The following RAPGEF6 variants were observed in gnomAD, a reference collection of about 807,000 sequenced individuals.
The protein encoded by RAPGEF6 is Rap guanine nucleotide exchange factor 6.
Under a neutral mutation model 171.4 loss-of-function variants are expected in RAPGEF6, and 56 were observed. That is an observed-to-expected ratio of 0.33 (90% CI 0.26 to 0.41). The LOEUF is 0.41. RAPGEF6 is among the 10% of genes least tolerant of loss of function. The pLI, the probability that RAPGEF6 is intolerant of heterozygous loss-of-function variation, is 1.00. For synonymous variants in RAPGEF6, 692 were observed against 650.1 expected (o/e 1.06, Z -0.98); for missense variants, 1,674 against 1,921.4 (o/e 0.87, Z 2.41).
chr5:131,517,780 TACACACACACACACACACAC>T (rs36091456), intron 7 of RAPGEF6, among the ~76,000 whole-genome samples: 8 of 140,492 alleles, frequency 5.7e-5, no homozygotes, highest in South Asian at 2.4e-4. Flanking sequence ...TTCGCGCATG[TACACACACACACACACACAC>T]ACACACACAC....
chr5:131,439,849 C>G, intron 23 of RAPGEF6, 134 bp from the exon 24 acceptor site: 1 of 1,397,870 alleles, frequency 7.2e-7, no homozygotes, highest in Non-Finnish European at 9.5e-7. Flanking sequence ...AAATGACAAA[C>G]AGGGACTAAA....
chr5:131,491,549 C>A (rs969323553), intron 14 of RAPGEF6, among the ~76,000 whole-genome samples: 5 of 152,168 alleles, frequency 3.3e-5, no homozygotes, highest in African/African-American at 1.2e-4. Flanking sequence ...ACCACCAGGA[C>A]ACAGACCCAT....
intron 4 of RAPGEF6, among the ~76,000 whole-genome samples, chr5:131,572,892 T>C (rs1338350063): frequency 6.6e-6 from 1 of 152,182 alleles, no homozygotes; most frequent in African/African-American, 2.4e-5. Flanking sequence ...GCCAGAGAAA[T>C]GGCACTTTCG....
intron 3 of RAPGEF6, among the ~76,000 whole-genome samples, chr5:131,594,534 G>C (rs1763778521): frequency 6.6e-6 from 1 of 152,236 alleles, no homozygotes; most frequent in South Asian, 2.1e-4. Context: ...CCCCACTGGG[G>C]CACTATCTAG....
intron 4 of RAPGEF6, among the ~76,000 whole-genome samples, chr5:131,588,403 GCTC>G: frequency 6.6e-6 from 1 of 152,298 alleles, no homozygotes; most frequent in East Asian, 1.9e-4. Context: ...ATTCTCTTAT[GCTC>G]CTGTTAGTAT....
At chr5:131,478,145 C>G (rs1159989272) in intron 16 of RAPGEF6, among the ~76,000 whole-genome samples, 1 of 152,136 alleles carries the variant, frequency 6.6e-6, no homozygotes, top group Non-Finnish European at 1.5e-5. Context: ...TATTTTAATC[C>G]TCTGAGTTCC....
chr5:131,476,694 G>C (rs1006862741), intron 16 of RAPGEF6, among the ~76,000 whole-genome samples: 3 of 152,098 alleles, frequency 2.0e-5, no homozygotes, highest in Non-Finnish European at 4.4e-5. Context: ...ACCATGTCCA[G>C]CTAGTTTTTT....
chr5:131,624,433 A>G (rs912376882), intron 1 of RAPGEF6, among the ~76,000 whole-genome samples: 1 of 152,234 alleles, frequency 6.6e-6, no homozygotes, highest in Non-Finnish European at 1.5e-5. Flanking sequence ...GGAGGTTAAA[A>G]GTCCAATACA....
At chr5:131,603,886 A>C (rs1764394745) in intron 2 of RAPGEF6, among the ~76,000 whole-genome samples, 1 of 152,086 alleles carries the variant, frequency 6.6e-6, no homozygotes. Flanking sequence ...AATAACCAGA[A>C]ACTTGATGAA....
chr5:131,523,924 AC>A (rs1758686319), intron 6 of RAPGEF6, among the ~76,000 whole-genome samples: 1 of 152,172 alleles, frequency 6.6e-6, no homozygotes, highest in South Asian at 2.1e-4. Context: ...AGGAAAAAAA[AC>A]CAGAGTGATT....
intron 7 of RAPGEF6, among the ~76,000 whole-genome samples, chr5:131,519,700 C>T (rs1260562016): frequency 2.0e-5 from 3 of 152,208 alleles, no homozygotes; most frequent in African/African-American, 7.2e-5. Context: ...TGTGTATAGT[C>T]TTAGAAAAGT....
intron 15 of RAPGEF6, among the ~76,000 whole-genome samples, chr5:131,485,484 A>G (rs944866724): frequency 6.6e-6 from 1 of 152,156 alleles, no homozygotes; most frequent in African/African-American, 2.4e-5. Context: ...CCACAGGACA[A>G]CTGCTATTAG....
intron 26 of RAPGEF6, 109 bp downstream of exon 26, chr5:131,430,750 T>A: frequency 7.2e-7 from 1 of 1,392,360 alleles, no homozygotes; most frequent in Non-Finnish European, 1.0e-6. Context: ...AAAGAAAGGT[T>A]GTTAGAGAAT....
chr5:131,580,376 C>T (rs536579646), intron 4 of RAPGEF6, among the ~76,000 whole-genome samples: 5 of 152,128 alleles, frequency 3.3e-5, no homozygotes, highest in Non-Finnish European at 5.9e-5. Flanking sequence ...GCTGGCCGCA[C>T]GAGCGCTGAG....
chr5:131,555,487 AT>A (rs1195103688), intron 5 of RAPGEF6, among the ~76,000 whole-genome samples: 3 of 152,040 alleles, frequency 2.0e-5, no homozygotes, highest in African/African-American at 7.2e-5. Context: ...AACATCTTTA[AT>A]TTTACACAAC....
chr5:131,511,973 A>G (rs980348141), intron 7 of RAPGEF6, among the ~76,000 whole-genome samples: 1 of 152,148 alleles, frequency 6.6e-6, no homozygotes. Context: ...TGGTTGCTAA[A>G]TTGGAAGAAT....
intron 5 of RAPGEF6, among the ~76,000 whole-genome samples, chr5:131,561,562 G>C (rs1014952355): frequency 1.3e-5 from 2 of 150,764 alleles, no homozygotes; most frequent in Admixed American, 6.7e-5. Flanking sequence ...CAGGAGGCTA[G>C]GGCAGGAAAA....
chr5:131,501,397 C>T (rs370110277), intron 11 of RAPGEF6, among the ~76,000 whole-genome samples: 2 of 150,894 alleles, frequency 1.3e-5, no homozygotes, highest in Non-Finnish European at 3.0e-5. Flanking sequence ...TTATGATTTG[C>T]AATTAAATCT....
intron 10 of RAPGEF6, 59 bp from the exon 11 acceptor site, chr5:131,504,837 T>C: frequency 6.8e-7 from 1 of 1,474,380 alleles, no homozygotes; most frequent in African/African-American, 1.4e-5. Flanking sequence ...TATATCACTA[T>C]GTACCAATGC....
Sources: allele counts gnomAD v4.1 joint callset (sites outside exome capture counted in the v4.1 genomes callset), GRCh38; gene constraint gnomAD v4.1.1; transcripts MANE v1.5; gene names NCBI Gene and HGNC (gene_info 2026-07-23, HGNC 2026-07-21).